The following SOX5 variants were observed in gnomAD, a reference collection of about 807,000 sequenced individuals.
The protein encoded by SOX5 is transcription factor SOX-5.
Under a neutral mutation model 92.0 loss-of-function variants are expected in SOX5, and 9 were observed. The observed-to-expected ratio is 0.10, with a 90% confidence interval of 0.06 to 0.17. The LOEUF (loss-of-function observed/expected upper bound fraction) is 0.17. Ranked by LOEUF, SOX5 falls within the 10% of genes least tolerant of loss-of-function variation. SOX5 has a pLI of 1.00. For synonymous variants in SOX5, 344 were observed against 336.3 expected, an observed-to-expected ratio of 1.02 and a Z score of -0.25; for missense variants, 642 against 944.5, an observed-to-expected ratio of 0.68 and a Z score of 4.20.
intron 10 of SOX5, among the ~76,000 whole-genome samples, chr12:23,567,230 C>A (rs778281559): frequency 3.9e-5 from 6 of 151,946 alleles, no homozygotes; most frequent in Non-Finnish European, 8.8e-5. Flanking sequence ...TTTTATTCTG[C>A]CTTCATTATA....
At chr12:23,986,548 C>T (rs1051954752) in intron 4 of SOX5, among the ~76,000 whole-genome samples, 2 of 152,150 alleles carry the variant, frequency 1.3e-5, no homozygotes, top group African/African-American at 4.8e-5. Flanking sequence ...CAATGTCTTT[C>T]TTTCATCAGT....
At chr12:23,667,232 C>T (rs2083962205) in intron 6 of SOX5, among the ~76,000 whole-genome samples, 1 of 152,092 alleles carries the variant, frequency 6.6e-6, no homozygotes, top group South Asian at 2.1e-4. Flanking sequence ...GTTTTATTGG[C>T]TATATTGTTA....
intron 4 of SOX5, among the ~76,000 whole-genome samples, chr12:24,115,348 A>G (rs1015041211): frequency 6.6e-6 from 1 of 152,238 alleles, no homozygotes; most frequent in African/African-American, 2.4e-5. Flanking sequence ...TCTATATTCC[A>G]CTAAATTATA....
intron 1 of SOX5, among the ~76,000 whole-genome samples, chr12:24,460,016 G>A (rs956852789): frequency 6.6e-6 from 1 of 152,136 alleles, no homozygotes; most frequent in Non-Finnish European, 1.5e-5. Flanking sequence ...TTCACGAAGT[G>A]AGCAAGAAAA....
At chr12:23,577,937 C>T (rs571848532) in intron 9 of SOX5, among the ~76,000 whole-genome samples, 11 of 151,124 alleles carry the variant, frequency 7.3e-5, no homozygotes, top group South Asian at 2.1e-4. Context: ...CTGGCCAACA[C>T]GGTGAAACTT....
intron 9 of SOX5, among the ~76,000 whole-genome samples, chr12:23,601,349 T>C (rs1230437991): frequency 6.6e-6 from 1 of 152,146 alleles, no homozygotes; most frequent in East Asian, 1.9e-4. Context: ...TCAGAGAACA[T>C]GGTTAATTTT....
chr12:24,356,077 G>A (rs775303604), intron 2 of SOX5, among the ~76,000 whole-genome samples: 2 of 152,104 alleles, frequency 1.3e-5, no homozygotes, highest in African/African-American at 2.4e-5. Flanking sequence ...TTATTAAACA[G>A]CATTAATATC....
intron 1 of SOX5, among the ~76,000 whole-genome samples, chr12:24,396,073 G>A (rs1439571974): frequency 6.6e-6 from 1 of 152,188 alleles, no homozygotes; most frequent in Non-Finnish European, 1.5e-5. Context: ...TGGAAAATGG[G>A]TCAGACATAA....
At chr12:23,587,763 T>G (rs1950953694) in intron 9 of SOX5, among the ~76,000 whole-genome samples, 1 of 152,120 alleles carries the variant, frequency 6.6e-6, no homozygotes, top group East Asian at 1.9e-4. Context: ...GCCTTCAACT[T>G]AATACACATG....
chr12:24,517,957 C>A (rs74070936), intron 1 of SOX5, among the ~76,000 whole-genome samples: 2 of 152,100 alleles, frequency 1.3e-5, no homozygotes, highest in Admixed American at 1.3e-4. Context: ...GTAGTTTCAA[C>A]GTACAATACA....
At chr12:24,284,480 CATTT>C (rs1394404488) in intron 2 of SOX5, among the ~76,000 whole-genome samples, 1 of 151,194 alleles carries the variant, frequency 6.6e-6, no homozygotes, top group Non-Finnish European at 1.5e-5. Flanking sequence ...ACTTTTTAAA[CATTT>C]ATTATAGACA....
intron 2 of SOX5, among the ~76,000 whole-genome samples, chr12:24,308,913 T>C (rs1246462070): frequency 6.6e-6 from 1 of 151,872 alleles, no homozygotes; most frequent in African/African-American, 2.4e-5. Context: ...CACAGAAAAG[T>C]ATTATTGGAT....
chr12:24,132,346 C>G (rs369097921), intron 4 of SOX5, among the ~76,000 whole-genome samples: 4 of 152,204 alleles, frequency 2.6e-5, no homozygotes, highest in Admixed American at 2.0e-4. Context: ...GATAACTAAC[C>G]TTTTGTTAAG....
chr12:24,202,828 C>T (rs1021769665), intron 4 of SOX5, among the ~76,000 whole-genome samples: 10 of 152,268 alleles, frequency 6.6e-5, no homozygotes, highest in African/African-American at 2.2e-4. Flanking sequence ...TATCTCATTA[C>T]TGGTGATGTT....
At chr12:24,408,234 A>ATT (rs1312385505) in intron 1 of SOX5, among the ~76,000 whole-genome samples, 2 of 152,206 alleles carry the variant, frequency 1.3e-5, no homozygotes, top group Admixed American at 6.5e-5. Context: ...ACGCTTTCAG[A>ATT]TTTTAATCTA....
intron 3 of SOX5, among the ~76,000 whole-genome samples, chr12:24,271,815 C>A (rs78281516): frequency 6.6e-6 from 1 of 152,102 alleles, no homozygotes; most frequent in Non-Finnish European, 1.5e-5. Context: ...CTCTCATTTG[C>A]CTACTTGTCT....
chr12:23,983,027 G>A (rs918660514), intron 4 of SOX5, among the ~76,000 whole-genome samples: 3 of 151,608 alleles, frequency 2.0e-5, no homozygotes, highest in Admixed American at 6.6e-5. Flanking sequence ...AGCCCAGCAC[G>A]ATCAAGATCC....
intron 2 of SOX5, among the ~76,000 whole-genome samples, chr12:23,885,446 A>G (rs1181500878): frequency 1.3e-5 from 2 of 152,212 alleles, no homozygotes; most frequent in African/African-American, 4.8e-5. Flanking sequence ...TAATTGTTTT[A>G]TCTCAAGACA....
At chr12:23,724,412 T>C (rs1268746455) in intron 6 of SOX5, among the ~76,000 whole-genome samples, 1 of 152,148 alleles carries the variant, frequency 6.6e-6, no homozygotes, top group African/African-American at 2.4e-5. Flanking sequence ...TAATAAGCAA[T>C]AGGCTGCTCC....
Sources: gnomAD v4.1 joint callset for allele counts (sites outside exome capture counted in the v4.1 genomes callset) on GRCh38, gnomAD v4.1.1 for gene constraint, MANE v1.5 for transcripts, NCBI Gene and HGNC (gene_info 2026-07-23, HGNC 2026-07-21) for gene names.